TENM4: variants seen among roughly 807,000 people sequenced by gnomAD.
TENM4 encodes teneurin-4.
TENM4 carries 82 observed loss-of-function variants against 243.3 expected under a neutral mutation model. The ratio of observed to expected loss-of-function variants is 0.34; its 90% CI spans 0.28 to 0.40. The LOEUF (loss-of-function observed/expected upper bound fraction) is 0.40, where lower values mean the gene tolerates loss of function less well. Among genes scored for constraint, TENM4 ranks in the 10% least tolerant of loss-of-function variants. The probability of loss-of-function intolerance (pLI) is 1.00; values close to 1 mark genes in which losing one functional copy is unlikely to be tolerated. For synonymous variants in TENM4, 1,412 were observed against 1,456.3 expected (o/e 0.97, Z 0.69); for missense variants, 3,138 against 3,673.3 (o/e 0.85, Z 3.77).
At chr11:79,037,015 C>CAAAAAAAAAAAAA (rs369421583) in intron 6 of TENM4, among the ~76,000 whole-genome samples, 1 of 91,150 alleles carries the variant, frequency 1.1e-5, no homozygotes, top group African/African-American at 3.7e-5. Flanking sequence ...GACTCCATCT[C>CAAAAAAAAAAAAA]AAAAAAAAAA....
At chr11:79,397,276 C>T (rs916210041) in intron 1 of TENM4, among the ~76,000 whole-genome samples, 1 of 152,122 alleles carries the variant, frequency 6.6e-6, no homozygotes, top group East Asian at 1.9e-4. Context: ...TCAACATAGC[C>T]CCATAGTTAT....
chr11:78,939,133 G>A (rs563192207), intron 6 of TENM4, among the ~76,000 whole-genome samples: 17 of 152,306 alleles, frequency 1.1e-4, no homozygotes, highest in African/African-American at 3.6e-4. Flanking sequence ...GTGGCCTCCC[G>A]TTGTTTCCTT....
intron 6 of TENM4, among the ~76,000 whole-genome samples, chr11:78,940,905 T>C (rs1453500823): frequency 6.6e-6 from 1 of 152,200 alleles, no homozygotes; most frequent in African/African-American, 2.4e-5. Context: ...CTACCAGAAA[T>C]AGCACCCTCA....
chr11:79,086,016 G>T (rs780815724), intron 4 of TENM4, among the ~76,000 whole-genome samples: 2 of 152,158 alleles, frequency 1.3e-5, no homozygotes, highest in Non-Finnish European at 2.9e-5. Context: ...TCACCAGAAC[G>T]ACTCTGGAAG....
chr11:79,196,516 A>G (rs751676440), intron 3 of TENM4, among the ~76,000 whole-genome samples: 1 of 152,076 alleles, frequency 6.6e-6, no homozygotes, highest in African/African-American at 2.4e-5. Context: ...AACCCGACCT[A>G]TCGGGGTGTT....
chr11:79,352,535 T>G (rs1228453049), intron 1 of TENM4, among the ~76,000 whole-genome samples: 1 of 152,222 alleles, frequency 6.6e-6, no homozygotes, highest in Non-Finnish European at 1.5e-5. Context: ...CATGACTGCC[T>G]GCAGCAAATT....
intron 9 of TENM4, among the ~76,000 whole-genome samples, chr11:78,887,767 G>C (rs1855578188): frequency 6.6e-6 from 1 of 152,166 alleles, no homozygotes; most frequent in South Asian, 2.1e-4. Flanking sequence ...AACTGGGAGA[G>C]AAAGAAGCCA....
chr11:78,664,384 C>G (rs1858099897), intron 32 of TENM4, among the ~76,000 whole-genome samples: 1 of 152,032 alleles, frequency 6.6e-6, no homozygotes, highest in Admixed American at 6.5e-5. Context: ...CACAGGCGTG[C>G]CATCATCCCT....
intron 7 of TENM4, among the ~76,000 whole-genome samples, chr11:78,895,855 C>T (rs1453969909): frequency 6.6e-6 from 1 of 152,190 alleles, no homozygotes; most frequent in African/African-American, 2.4e-5. Context: ...ACCTCACAGC[C>T]CTGAGCTGCC....
At chr11:78,837,890 C>T (rs1044072924) in intron 12 of TENM4, among the ~76,000 whole-genome samples, 1 of 152,098 alleles carries the variant, frequency 6.6e-6, no homozygotes, top group Non-Finnish European at 1.5e-5. Context: ...CAAATTGCCA[C>T]AATTTTAAAC....
chr11:79,254,695 A>G (rs1855671012), intron 2 of TENM4, among the ~76,000 whole-genome samples: 1 of 152,164 alleles, frequency 6.6e-6, no homozygotes, highest in South Asian at 2.1e-4. Flanking sequence ...TGACTATAAT[A>G]TTGTGTTAAT....
intron 25 of TENM4, 148 bp from the exon 26 acceptor site, chr11:78,712,862 T>G (rs1859433046): frequency 2.7e-6 from 2 of 738,676 alleles, no homozygotes; most frequent in African/African-American, 3.5e-5. Flanking sequence ...GGTTCCCCAA[T>G]TTTTCTGACC....
At chr11:79,157,772 A>G (rs1328511458) in intron 3 of TENM4, among the ~76,000 whole-genome samples, 1 of 151,868 alleles carries the variant, frequency 6.6e-6, no homozygotes, top group Non-Finnish European at 1.5e-5. Context: ...CCATAATCCT[A>G]CTGTACTGTA....
intron 2 of TENM4, among the ~76,000 whole-genome samples, chr11:79,218,984 T>C (rs1031890884): frequency 1.1e-4 from 16 of 152,286 alleles, no homozygotes; most frequent in Non-Finnish European, 1.9e-4. Context: ...GGGAAGCTCA[T>C]AGGCTGGCAA....
At chr11:79,342,107 C>T (rs890654722) in intron 1 of TENM4, among the ~76,000 whole-genome samples, 1 of 152,196 alleles carries the variant, frequency 6.6e-6, no homozygotes, top group Admixed American at 6.5e-5. Flanking sequence ...ACAGAGGACA[C>T]TGAGACCCCA....
intron 1 of TENM4, among the ~76,000 whole-genome samples, chr11:79,326,288 A>T (rs1856974762): frequency 6.6e-6 from 1 of 152,028 alleles, no homozygotes; most frequent in Admixed American, 6.5e-5. Context: ...TCTCCTATAC[A>T]CATCAACCCA....
At chr11:79,251,230 G>A (rs373999561) in intron 2 of TENM4, among the ~76,000 whole-genome samples, 3 of 152,198 alleles carry the variant, frequency 2.0e-5, no homozygotes. Flanking sequence ...CCTGAATAAG[G>A]TCTGGACCTT....
chr11:78,712,381 T>C, intron 26 of TENM4, 101 bp downstream of exon 26: 1 of 1,132,710 alleles, frequency 8.8e-7, no homozygotes, highest in Non-Finnish European at 1.3e-6. Flanking sequence ...TATTTCTTGG[T>C]ATTTTCCAAA....
At chr11:79,218,231 C>CCCA (rs1278207500) in intron 2 of TENM4, among the ~76,000 whole-genome samples, 8 of 49,916 alleles carry the variant, frequency 1.6e-4, no homozygotes, top group Admixed American at 2.4e-4. Flanking sequence ...TTACCCCCTG[C>CCCA]CCACCCACCC....
Sources: allele counts gnomAD v4.1 joint callset (sites outside exome capture counted in the v4.1 genomes callset), GRCh38; gene constraint gnomAD v4.1.1; transcripts MANE v1.5; gene names NCBI Gene and HGNC (gene_info 2026-07-23, HGNC 2026-07-21).